GNAS-AS1: variants seen among roughly 807,000 people sequenced by gnomAD.
GNAS-AS1 encodes GNAS antisense RNA 1 (non-protein coding).
chr20:58,832,516 T>C (rs1600647405), intron 4 of GNAS-AS1, among the ~76,000 whole-genome samples: 1 of 152,348 alleles, frequency 6.6e-6, no homozygotes, highest in Admixed American at 6.5e-5. Flanking sequence ...TGAGATACTG[T>C]GCAGTGAGAA....
chr20:58,821,471 C>CT (rs1568896696), intron 4 of GNAS-AS1, among the ~76,000 whole-genome samples: 1 of 152,256 alleles, frequency 6.6e-6, no homozygotes, highest in East Asian at 1.9e-4. Context: ...GGCAAGCTAT[C>CT]TGACCTGTGC....
chr20:58,850,252 T>A (rs967357123), intron 1 of GNAS-AS1, among the ~76,000 whole-genome samples: 2 of 152,358 alleles, frequency 1.3e-5, no homozygotes, highest in South Asian at 4.1e-4. Context: ...TCCATTTGTA[T>A]GCTGCTCTAC....
At chr20:58,850,207 G>C (rs2086102364) in intron 1 of GNAS-AS1, among the ~76,000 whole-genome samples, 1 of 152,164 alleles carries the variant, frequency 6.6e-6, no homozygotes, top group Non-Finnish European at 1.5e-5. Flanking sequence ...TCTCCAGCAA[G>C]ACTTTCAAGG....
At chr20:58,839,780 C>G (rs2145468182) in intron 4 of GNAS-AS1, 1 of 569,748 alleles carries the variant, frequency 1.8e-6, no homozygotes. Flanking sequence ...GCAAGAGGAC[C>G]GGCGGAGGCA....
Position 58,841,599 on chromosome 20 carries a change from A to T in GNAS-AS1, n.819+338T>A. ...TCGCGGGACAGAGACCGCCTCAAAG[A>T]GCGTGCGCACCTGCCCGCGCGCGCC... On this transcript the variant is annotated intron_variant and non_coding_transcript_variant, in intron 4 of 4. Transcript: ENST00000424094. The surrounding 1 kb of genome is among the most constrained non-coding windows in gnomAD (Gnocchi z 5.0). 2.9e-6 allele frequency: 3 copies of T among 1,025,538 alleles called. No homozygotes were observed. Among genetic ancestry groups the T allele is most frequent in the Non-Finnish European group, 3.5e-6 (3 of 856,606 alleles). 63.5% of individuals were successfully genotyped at this position (1,025,538 alleles called of 1,614,324 possible).
At chr20:58,836,630 A>C (rs2085605107) in intron 4 of GNAS-AS1, 1 of 152,230 alleles carries the variant, frequency 6.6e-6, no homozygotes. Context: ...GAGGTGGTTC[A>C]TCACCCACTT....
intron 4 of GNAS-AS1, chr20:58,839,802 T>A (rs1165946713): frequency 1.7e-5 from 10 of 579,582 alleles, no homozygotes; most frequent in African/African-American, 3.7e-5. Context: ...CTCTCTCGAG[T>A]CTTAGGCTGC....
chr20:58,840,546 C>A lies in GNAS-AS1; in HGVS notation n.819+1391G>T, dbSNP rs1386429254. ...ACCGAGCCTGAAGACGATCGCGGCC[C>A]GGTGGTGCCCAAGCACTCCACCTTC... On this transcript the variant is annotated intron_variant and non_coding_transcript_variant, in intron 4 of 4. Coordinates refer to ENST00000424094, the Ensembl canonical transcript of GNAS-AS1. The surrounding 1 kb of genome is among the most constrained non-coding windows in gnomAD (Gnocchi z 6.0). 2.5e-6 allele frequency: 4 copies of A among 1,613,318 alleles called. No individual in the cohort carries two copies. The highest frequency in any genetic ancestry group is 1.7e-5 in the Admixed American group (1 of 60,002).
At chr20:58,846,424 TC>T (rs932138829) in intron 2 of GNAS-AS1, among the ~76,000 whole-genome samples, 3 of 152,166 alleles carry the variant, frequency 2.0e-5, no homozygotes, top group Non-Finnish European at 2.9e-5. Context: ...AACATCACTG[TC>T]CCCCTGAGAG....
chr20:58,837,513 C>T (rs574140275), intron 4 of GNAS-AS1, among the ~76,000 whole-genome samples: 3 of 152,310 alleles, frequency 2.0e-5, no homozygotes, highest in African/African-American at 7.2e-5. Context: ...CAAGTCAATC[C>T]TACTTTATCA....
At chr20:58,850,698 C>T in exon 1 of GNAS-AS1, 2 of 398,960 alleles carry the variant, frequency 5.0e-6, no homozygotes. Context: ...GCTGGGTTAG[C>T]CTGCCGCCAT....
At position 58,840,096 on chromosome 20, in the gene GNAS-AS1, T is replaced by C. The variant is rs969325846; in HGVS notation, n.819+1841A>G. On this transcript the variant is annotated intron_variant and non_coding_transcript_variant, in intron 4 of 4. Transcript: ENST00000424094. The surrounding 1 kb of genome is among the most constrained non-coding windows in gnomAD (Gnocchi z 6.0). ...GAGGGCAGGCCGGCTTCTCGGTGTGTGCCTAAGAGGATGGATCGGAGGTCC... is the reference window on the plus strand; with the variant it reads ...GAGGGCAGGCCGGCTTCTCGGTGTGCGCCTAAGAGGATGGATCGGAGGTCC... 1 of 1,609,850 alleles carries C rather than the reference T, an allele frequency of 6.2e-7. No homozygotes were observed. Among genetic ancestry groups the C allele is most frequent in the Admixed American group, 1.7e-5 (1 of 60,012 alleles).
chr20:58,823,783 T>A (rs760484069), intron 4 of GNAS-AS1, among the ~76,000 whole-genome samples: 2 of 151,992 alleles, frequency 1.3e-5, no homozygotes, highest in Non-Finnish European at 2.9e-5. Context: ...AACTTGGGAG[T>A]CGTGAAAGGG....
chr20:58,847,661 C>T (rs138210656), intron 2 of GNAS-AS1, among the ~76,000 whole-genome samples: 1 of 152,208 alleles, frequency 6.6e-6, no homozygotes, highest in Non-Finnish European at 1.5e-5. Flanking sequence ...CTTCACCACC[C>T]ACCTCCTCCC....
At position 58,828,255 on chromosome 20, in the gene GNAS-AS1, T is replaced by C. The variant is rs768249912; in HGVS notation, n.820-9000A>G. On this transcript the variant is annotated intron_variant and non_coding_transcript_variant, in intron 4 of 4. Coordinates refer to ENST00000424094, the Ensembl canonical transcript of GNAS-AS1. Reference sequence around the variant, plus strand: ...ACCTTCCAAACCACTTCTAGCCAGCTCTTGCTTTGCTCTTTCTTTAATAAG... The same window carrying C: ...ACCTTCCAAACCACTTCTAGCCAGCCCTTGCTTTGCTCTTTCTTTAATAAG... Among the ~76,000 whole-genome samples the C allele has an allele frequency of 5.0e-4, 76 of 152,356 alleles. 1 individual carries two copies. Among genetic ancestry groups the C allele is most frequent in the Middle Eastern group, 3.4e-3 (1 of 294 alleles).
exon 4 of GNAS-AS1, chr20:58,842,059 A>G: frequency 2.2e-6 from 1 of 455,452 alleles, no homozygotes; most frequent in Non-Finnish European, 3.6e-6. Context: ...AGCCTTGGGG[A>G]GGGGAGGCGA....
At position 58,840,024 on chromosome 20, in the gene GNAS-AS1, C is replaced by T. The variant is rs748024920; in HGVS notation, n.819+1913G>A. The T allele has an allele frequency of 6.6e-7, 1 of 1,520,070 alleles. No homozygotes were observed. The highest frequency in any genetic ancestry group is 9.0e-7 in the Non-Finnish European group (1 of 1,107,822). The allele number at this position is 1,520,070 out of a possible 1,614,324, so 94.2% of individuals were successfully genotyped here. A position where few individuals can be genotyped will look rare whatever the true frequency, so the allele number is the denominator to read the frequency against. On this transcript the variant is annotated intron_variant and non_coding_transcript_variant, in intron 4 of 4. Transcript: ENST00000424094. This position sits in a 1 kb window ranked among gnomAD's most constrained non-coding sequence, Gnocchi z 6.0. ...TCTCACCTCATAGGGTGTACCTTTC[C>T]CGGCTCCAGCAGCCAATGTGCTTCG...
chr20:58,846,621 G>C (rs1413344396), intron 2 of GNAS-AS1, among the ~76,000 whole-genome samples: 1 of 152,182 alleles, frequency 6.6e-6, no homozygotes, highest in East Asian at 1.9e-4. Context: ...TCTCAAACTT[G>C]AGGGGTCCAA....
At chr20:58,850,420 C>T (rs1289711611) in intron 1 of GNAS-AS1, 2 of 397,610 alleles carry the variant, frequency 5.0e-6, no homozygotes, top group East Asian at 3.6e-5. Context: ...TGAACCCGTT[C>T]CTCGACAAAT....
Sources: allele counts gnomAD v4.1 joint callset (sites outside exome capture counted in the v4.1 genomes callset), GRCh38; gene constraint gnomAD v4.1.1; non-coding constraint Gnocchi (gnomAD v3.1); transcripts MANE v1.5; gene names NCBI Gene and HGNC (gene_info 2026-07-23, HGNC 2026-07-21).